Variants in POLK observed in about 807,000 individuals in gnomAD.
The protein encoded by POLK is polymerase (DNA directed) kappa.
A neutral mutation model predicts 94.0 loss-of-function variants in POLK; 76 were observed. That is an observed-to-expected ratio of 0.81 (90% CI 0.67 to 0.98). The LOEUF (loss-of-function observed/expected upper bound fraction) is 0.98. POLK is among the 50% of genes least tolerant of loss of function. The pLI, the probability that POLK is intolerant of heterozygous loss-of-function variation, is 0.00. For missense variants in POLK, 954 were observed against 1,010.1 expected, an observed-to-expected ratio of 0.94 and a Z score of 0.75; for synonymous variants, 349 against 325.4, an observed-to-expected ratio of 1.07 and a Z score of -0.78.
At chr5:75,545,025 C>CTGATTTATT (rs1413480400) in intron 1 of POLK, among the ~76,000 whole-genome samples, 1 of 152,178 alleles carries the variant, frequency 6.6e-6, no homozygotes, top group African/African-American at 2.4e-5. Flanking sequence ...TATCTGGCTT[C>CTGATTTATT]TACTCCCAGA....
At chr5:75,587,519 C>G (rs1461290089) in intron 10 of POLK, among the ~76,000 whole-genome samples, 4 of 152,020 alleles carry the variant, frequency 2.6e-5, no homozygotes, top group African/African-American at 9.7e-5. Context: ...GTTTGAAAAC[C>G]AAATGAAATA....
At chr5:75,559,672 G>A (rs945625478) in intron 3 of POLK, among the ~76,000 whole-genome samples, 34 of 151,538 alleles carry the variant, frequency 2.2e-4, no homozygotes, top group Non-Finnish European at 5.9e-5. Context: ...AAGTAGTGGG[G>A]GGACTATAGG....
exon 7 of POLK, chr5:75,581,233 A>C: frequency 6.2e-7 from 1 of 1,605,586 alleles, no homozygotes. Context: ...GAAGTTAATA[A>C]ACTGAGTGAG....
chr5:75,516,278 C>A (rs1768319103), intron 1 of POLK, among the ~76,000 whole-genome samples: 1 of 152,070 alleles, frequency 6.6e-6, no homozygotes, highest in South Asian at 2.1e-4. Flanking sequence ...CTTTTGTGGT[C>A]TTACACAGAA....
rs555270577 is a variant in POLK, at chr5:75,572,947, T to C, written c.409-791T>C. ...AAACTAGTTCAACCATTGTGGAAGT[T>C]AGTGTGGCGATTCCTCAGGGATCTA... On this transcript the variant is annotated intron_variant, in intron 4 of 14. Transcript: ENST00000241436. 1.2e-4 allele frequency among the ~76,000 whole-genome samples: 18 copies of C among 152,290 alleles called. No individual in the cohort carries two copies. The East Asian group carries it at 1.4e-3, about 11-fold the overall frequency.
At chr5:75,522,416 G>T (rs1487518189) in intron 1 of POLK, among the ~76,000 whole-genome samples, 2 of 151,930 alleles carry the variant, frequency 1.3e-5, no homozygotes, top group African/African-American at 2.4e-5. Context: ...ATTTGTTTTT[G>T]GTTTTCTCTA....
chr5:75,511,126 C>G, upstream of POLK: 1 of 1,594,608 alleles, frequency 6.3e-7, no homozygotes, highest in Non-Finnish European at 8.5e-7. Flanking sequence ...CTGAGGACCC[C>G]GCAGCGCTCC....
chr5:75,512,803 A>T (rs1209440154), intron 1 of POLK: 1 of 152,228 alleles, frequency 6.6e-6, no homozygotes, highest in African/African-American at 2.4e-5. Context: ...TACTACAAGG[A>T]TGGGACGATA....
intron 6 of POLK, chr5:75,580,580 GA>G: frequency 1.2e-6 from 1 of 864,058 alleles, no homozygotes; most frequent in Non-Finnish European, 1.4e-6. Context: ...TATATTCAAA[GA>G]AGCATAACTT....
rs374302891 is a variant in POLK, at chr5:75,533,058, T to G, written c.-13-13952T>G. Among the ~76,000 whole-genome samples the G allele has an allele frequency of 1.1e-4, 16 of 152,338 alleles. No individual in the cohort carries two copies. In the East Asian group the frequency reaches 2.3e-3, roughly 22 times the overall value. On this transcript the variant is annotated intron_variant, in intron 1 of 14. Coordinates refer to ENST00000241436, the Ensembl canonical transcript of POLK. ...GGTTCTTTTTATTCTGTTGACAGTTTCTTTTGCTGTGCAGAACCTCTTTAG... is the reference window on the plus strand; with the variant it reads ...GGTTCTTTTTATTCTGTTGACAGTTGCTTTTGCTGTGCAGAACCTCTTTAG...
Position 75,581,258 on chromosome 5 carries a change from C to T in POLK, c.744C>T (p.Ile248=). 3.1e-6 allele frequency: 5 copies of T among 1,608,364 alleles called. No individual in the cohort carries two copies. In the South Asian group the frequency reaches 4.4e-5, roughly 14 times the overall value. Residue 248 remains isoleucine (I), a synonymous_variant, in exon 7 of 15, where the codon ATC becomes ATT. Coordinates refer to ENST00000241436, the Ensembl canonical transcript of POLK. ...AACTGAGTGAGCATGAACGATCCAT[C>T]TCTCCACTACTTTTTGAAGAGAGTC...
chr5:75,555,249 G>A lies in POLK; in HGVS notation c.255+2658G>A, dbSNP rs543904978. ...ACAGTGAGGTGCATCCACCATTATA[G>A]TATCAGACAGAGTAGTTTCCCTGCC... On this transcript the variant is annotated intron_variant, in intron 3 of 14. Coordinates refer to ENST00000241436, the Ensembl canonical transcript of POLK. Among the ~76,000 whole-genome samples the A allele has an allele frequency of 3.3e-5, 5 of 152,202 alleles. No homozygotes were observed. The East Asian group carries it at 9.7e-4, about 29-fold the overall frequency.
At chr5:75,568,020 A>C (rs1289939769) in intron 3 of POLK, among the ~76,000 whole-genome samples, 2 of 152,218 alleles carry the variant, frequency 1.3e-5, no homozygotes, top group Admixed American at 6.5e-5. Context: ...AAGGACATAA[A>C]AAAAATTCTG....
intron 1 of POLK, among the ~76,000 whole-genome samples, chr5:75,524,115 T>G (rs1196894197): frequency 6.7e-6 from 1 of 148,992 alleles, no homozygotes; most frequent in African/African-American, 2.5e-5. Context: ...GGGTGACGAG[T>G]GAGACTCCGT....
the POLK span, among the ~76,000 whole-genome samples, chr5:75,607,467 CAAAAAA>C: frequency 1.7e-5 from 1 of 59,844 alleles, no homozygotes; most frequent in Non-Finnish European, 3.4e-5. Context: ...GACCTTGTCT[CAAAAAA>C]AAAAAAAAAA....
intron 1 of POLK, among the ~76,000 whole-genome samples, chr5:75,523,036 A>T (rs1204543877): frequency 6.6e-6 from 1 of 152,174 alleles, no homozygotes; most frequent in Non-Finnish European, 1.5e-5. Context: ...AGCTGAGCTG[A>T]TTTATATTTC....
At chr5:75,526,665 TCCACCTA>T (rs1768865566) in intron 1 of POLK, among the ~76,000 whole-genome samples, 1 of 145,234 alleles carries the variant, frequency 6.9e-6, no homozygotes, top group African/African-American at 2.5e-5. Context: ...CACTGCAACC[TCCACCTA>T]CCAGGTTCAA....
intron 1 of POLK, among the ~76,000 whole-genome samples, chr5:75,528,664 A>T (rs1580930885): frequency 6.6e-6 from 1 of 150,602 alleles, no homozygotes; most frequent in Admixed American, 6.6e-5. Context: ...AAAAAAAAAA[A>T]TTTGGGCAAG....
At chr5:75,573,705 G>T in intron 4 of POLK, 33 bp from the exon 5 acceptor site, 4 of 1,584,750 alleles carry the variant, frequency 2.5e-6, no homozygotes, top group Non-Finnish European at 3.5e-6. Flanking sequence ...TTAGGTTTGT[G>T]TATTTTTTTC....
Sources: gnomAD v4.1 joint callset for allele counts (sites outside exome capture counted in the v4.1 genomes callset) on GRCh38, gnomAD v4.1.1 for gene constraint, MANE v1.5 for transcripts, NCBI Gene and HGNC (gene_info 2026-07-23, HGNC 2026-07-21) for gene names.